Variants in DLGAP2 observed in about 807,000 individuals in gnomAD.
DLGAP2 encodes the protein disks large-associated protein 2.
A neutral mutation model predicts 100.3 loss-of-function variants in DLGAP2; 26 were observed. The ratio of observed to expected loss-of-function variants is 0.26; its 90% CI spans 0.19 to 0.36. The LOEUF is 0.36. DLGAP2 is among the 10% of genes least tolerant of loss of function. The probability of loss-of-function intolerance (pLI) is 1.00; values close to 1 mark genes in which losing one functional copy is unlikely to be tolerated. For synonymous variants in DLGAP2, 886 were observed against 630.1 expected (o/e 1.41, Z -6.08); for missense variants, 1,858 against 1,453.2 (o/e 1.28, Z -4.53).
rs1801640177 is a variant in DLGAP2 at position 1,548,749 on chromosome 8, G to A, written c.296G>A (p.Cys99Tyr). The change falls in exon 5 of 15, where the codon TGT (cysteine) becomes TAT (tyrosine). Residue 99 changes from cysteine to tyrosine, a missense_variant. Physicochemically the swap from Cys to Tyr is radical, Grantham distance 194. Coordinates refer to ENST00000637795, the MANE Select transcript of DLGAP2 (RefSeq NM_001346810.2). ...TQPPLCSGHT[C>Y]GLAPPEDCEH... ...CCGCCGCTGTGTTCCGGGCACACGT[G>A]TGGTCTGGCGCCCCCGGAGGACTGC... 7 of 1,604,238 alleles carry A rather than the reference G, an allele frequency of 4.4e-6. No individual in the cohort carries two copies. Among genetic ancestry groups the A allele is most frequent in the Non-Finnish European group, 5.9e-6 (7 of 1,177,258 alleles).
intron 6 of DLGAP2, among the ~76,000 whole-genome samples, chr8:1,599,586 A>T (rs1459430314): frequency 6.6e-6 from 1 of 152,190 alleles, no homozygotes; most frequent in Non-Finnish European, 1.5e-5. Flanking sequence ...TATTTAGGAT[A>T]GTTAGCTCTT....
At chr8:1,417,465 G>T (rs1043050629) in intron 3 of DLGAP2, among the ~76,000 whole-genome samples, 7 of 152,316 alleles carry the variant, frequency 4.6e-5, no homozygotes, top group South Asian at 2.1e-4. Flanking sequence ...TTCTCTTACT[G>T]TGAAGGTTAA....
At chr8:1,498,648 G>A (rs1737166369) in intron 3 of DLGAP2, among the ~76,000 whole-genome samples, 1 of 152,192 alleles carries the variant, frequency 6.6e-6, no homozygotes, top group Non-Finnish European at 1.5e-5. Context: ...CACAGTAAGA[G>A]AGTAACCTGA....
At position 1,678,436 on chromosome 8, in the gene DLGAP2, G is replaced by A. The variant is rs1282399968; in HGVS notation, c.2511G>A (p.Val837=). 3 of 1,613,596 alleles carry A rather than the reference G, an allele frequency of 1.9e-6. No homozygotes were observed. The highest frequency in any genetic ancestry group is 2.2e-5 in the South Asian group (2 of 91,050). The change falls in exon 12 of 15, where the codon GTG becomes GTA. Residue 837 remains valine, a synonymous_variant. Coordinates refer to ENST00000637795, the MANE Select transcript of DLGAP2 (RefSeq NM_001346810.2). ...ATAGAGAAGACTATCGGACCCAAGT[G>A]GACACCTCCACCCTGCCCCCTCCAG... is the stretch of plus-strand genomic sequence containing the variant. ...FSYREDYRTQ[V]DTSTLPPPDP...
intron 8 of DLGAP2, among the ~76,000 whole-genome samples, chr8:1,634,975 A>G (rs1428950773): frequency 6.6e-6 from 1 of 152,224 alleles, no homozygotes; most frequent in Non-Finnish European, 1.5e-5. Context: ...TTTGAGTCAG[A>G]ATTTCCTCTA....
intron 4 of DLGAP2, among the ~76,000 whole-genome samples, chr8:1,538,663 C>T (rs925859392): frequency 1.3e-5 from 2 of 152,146 alleles, no homozygotes; most frequent in Non-Finnish European, 2.9e-5. Context: ...GTCTAGAATG[C>T]CCTGGCCCTC....
rs1445586932 is a variant in DLGAP2 at position 785,225 on chromosome 8, A to T, written c.18+47400A>T. On this transcript the variant is annotated intron_variant, in intron 1 of 14. Coordinates refer to ENST00000637795, the MANE Select transcript of DLGAP2 (RefSeq NM_001346810.2). The stretch of plus-strand genomic sequence containing the variant: ...CGACAGAGCGAGACTCCGCCTCAAA[A>T]AAAAAAAAAAAAAAAAAAAAAAAAA... 4.2e-3 allele frequency among the ~76,000 whole-genome samples: 276 copies of T among 65,196 alleles called. 2 individuals carry two copies. Among genetic ancestry groups the T allele is most frequent in the African/African-American group, 0.012 (257 of 21,648 alleles). 42.8% of individuals were successfully genotyped at this position (65,196 alleles called of 152,430 possible).
chr8:1,299,381 C>T (rs762880981), intron 3 of DLGAP2, among the ~76,000 whole-genome samples: 20 of 152,204 alleles, frequency 1.3e-4, no homozygotes, highest in Non-Finnish European at 2.2e-4. Flanking sequence ...AACAGATTCT[C>T]ATGGCCCTTC....
intron 1 of DLGAP2, among the ~76,000 whole-genome samples, chr8:854,615 G>C (rs1006061694): frequency 2.0e-5 from 3 of 152,170 alleles, no homozygotes; most frequent in Non-Finnish European, 4.4e-5. Flanking sequence ...GTGTGTGCAT[G>C]TTCATGCATG....
intron 10 of DLGAP2, among the ~76,000 whole-genome samples, chr8:1,671,534 G>A (rs1387149021): frequency 6.6e-6 from 1 of 152,190 alleles, no homozygotes; most frequent in African/African-American, 2.4e-5. Context: ...CTGTCCCGGG[G>A]TGGGGGGTCC....
At chr8:1,106,432 G>A (rs1340269245) in intron 2 of DLGAP2, among the ~76,000 whole-genome samples, 2 of 149,784 alleles carry the variant, frequency 1.3e-5, no homozygotes, top group African/African-American at 4.9e-5. Flanking sequence ...CTCTAGGACG[G>A]TTTTCTACTG....
At chr8:1,122,140 A>G (rs1796063832) in intron 2 of DLGAP2, among the ~76,000 whole-genome samples, 2 of 152,168 alleles carry the variant, frequency 1.3e-5, no homozygotes, top group Non-Finnish European at 2.9e-5. Flanking sequence ...TACGGTTACC[A>G]TCAGGTTCCG....
Position 1,061,419 on chromosome 8 carries a change from C to G in DLGAP2, c.73+153453C>G, listed in dbSNP as rs577825310. Among the ~76,000 whole-genome samples, 5 of 152,186 alleles carry G rather than the reference C, an allele frequency of 3.3e-5. No homozygotes were observed. The South Asian group carries it at 1.0e-3, about 32-fold the overall frequency. On this transcript the variant is annotated intron_variant, in intron 2 of 14. Transcript: ENST00000637795. Reference sequence around the variant, plus strand: ...CAGCTCATCGGCTCATCCACGTGTTCGTTGAGGGAAAACCACGCTGCCAGT... The same window carrying G: ...CAGCTCATCGGCTCATCCACGTGTTGGTTGAGGGAAAACCACGCTGCCAGT...
chr8:1,306,431 A>C (rs1265980407), intron 3 of DLGAP2, among the ~76,000 whole-genome samples: 9 of 152,218 alleles, frequency 5.9e-5, no homozygotes, highest in Non-Finnish European at 1.2e-4. Context: ...GTTATAAGAC[A>C]TTAAAGACAC....
intron 2 of DLGAP2, among the ~76,000 whole-genome samples, chr8:1,251,220 T>C (rs1319948318): frequency 6.6e-6 from 1 of 152,228 alleles, no homozygotes; most frequent in Non-Finnish European, 1.5e-5. Flanking sequence ...ACTTAGCATT[T>C]ATAAATATAC....
At chr8:1,372,705 A>G (rs1252271992) in intron 3 of DLGAP2, among the ~76,000 whole-genome samples, 1 of 152,200 alleles carries the variant, frequency 6.6e-6, no homozygotes, top group Non-Finnish European at 1.5e-5. Flanking sequence ...CGTGGGCTAG[A>G]GGAAGATCAG....
chr8:1,646,988 G>A (rs1798055147), intron 8 of DLGAP2, among the ~76,000 whole-genome samples: 2 of 152,214 alleles, frequency 1.3e-5, no homozygotes, highest in African/African-American at 4.8e-5. Flanking sequence ...AGCGGACAGT[G>A]GAGGAGGATC....
intron 2 of DLGAP2, among the ~76,000 whole-genome samples, chr8:978,763 T>C (rs1257488036): frequency 6.6e-6 from 1 of 152,100 alleles, no homozygotes; most frequent in African/African-American, 2.4e-5. Context: ...ATTTCAATGG[T>C]GGGATTTTCC....
rs114361453 is a variant in DLGAP2, at chr8:1,622,890, G to A, written c.1443-3850G>A. ...GGATTTTCAGGGGGAAGAGTCAGGT[G>A]GATTTTGTGGAGTGAGCCGTGCTGG... On this transcript the variant is annotated intron_variant, in intron 6 of 14. Transcript: ENST00000637795. 9.0e-3 allele frequency among the ~76,000 whole-genome samples: 1,370 copies of A among 152,226 alleles called. 20 individuals are homozygous for A. Among genetic ancestry groups the A allele is most frequent in the African/African-American group, 0.031 (1,302 of 41,524 alleles).
Sources: gnomAD v4.1 joint callset for allele counts (sites outside exome capture counted in the v4.1 genomes callset) on GRCh38, gnomAD v4.1.1 for gene constraint, MANE v1.5 for transcripts, NCBI Gene and HGNC (gene_info 2026-07-23, HGNC 2026-07-21) for gene names.